Variants in ZBTB21 observed in about 807,000 individuals in gnomAD.
ZBTB21 encodes zinc finger and BTB domain containing 21.
ZBTB21 carries 10 observed loss-of-function variants against 39.8 expected under a neutral mutation model. That is an observed-to-expected ratio of 0.25 (90% CI 0.16 to 0.43). The LOEUF (loss-of-function observed/expected upper bound fraction) is 0.43, where lower values mean the gene tolerates loss of function less well. ZBTB21 is among the 20% of genes least tolerant of loss of function. The pLI is 1.00. For missense variants in ZBTB21, 1,221 were observed against 1,296.3 expected (o/e 0.94, Z 0.89); for synonymous variants, 551 against 498.8 (o/e 1.10, Z -1.40).
chr21:41,991,684 T>C lies in ZBTB21; in HGVS notation c.2412A>G (p.Ala804=), dbSNP rs1452180343. 1.9e-6 allele frequency: 3 copies of C among 1,613,890 alleles called. No homozygotes were observed. Among genetic ancestry groups the C allele is most frequent in the Non-Finnish European group, 2.5e-6 (3 of 1,180,016 alleles). The change falls in exon 3 of 3, where the codon GCA becomes GCG. Residue 804 remains alanine, a synonymous_variant. Coordinates refer to ENST00000310826, the MANE Select transcript of ZBTB21 (RefSeq NM_001098402.2). This position sits in a 1 kb window ranked among gnomAD's most constrained non-coding sequence, Gnocchi z 4.9. ...QVEVHNQNNM[A]PTENFSLPVL... ...CGGGCAAAGAAAAGTTTTCGGTGGG[T>C]GCCATGTTGTTCTGATTATGGACTT...
intron 1 of ZBTB21, among the ~76,000 whole-genome samples, chr21:42,003,635 C>T (rs898814718): frequency 6.6e-6 from 1 of 152,174 alleles, no homozygotes; most frequent in Non-Finnish European, 1.5e-5. Flanking sequence ...AAAGGAAAGG[C>T]TCATTAGAGC....
At position 41,991,140 on chromosome 21, in the gene ZBTB21, G is replaced by T; in HGVS notation, c.2956C>A (p.Pro986Thr). 2.5e-6 allele frequency: 4 copies of T among 1,614,174 alleles called. No individual in the cohort carries two copies. Among genetic ancestry groups the T allele is most frequent in the Non-Finnish European group, 2.5e-6 (3 of 1,180,012 alleles). ...PVPTNSPSPP[P>T]LPPPPPLPKI... ...GGCAGTGGTGGTGGCGGTGGCAGAGGTGGTGGAGAGGGAGAGTTTGTGGGA... is the reference window on the plus strand; with the variant it reads ...GGCAGTGGTGGTGGCGGTGGCAGAGTTGGTGGAGAGGGAGAGTTTGTGGGA... Residue 986 changes from proline to threonine, a missense_variant, in exon 3 of 3, where the codon CCT becomes ACT. Pro to Thr is a conservative substitution (Grantham distance 38). Coordinates refer to ENST00000310826, the MANE Select transcript of ZBTB21 (RefSeq NM_001098402.2). This position sits in a 1 kb window ranked among gnomAD's most constrained non-coding sequence, Gnocchi z 4.9.
rs759392152 is a variant in ZBTB21 at position 41,991,120 on chromosome 21, TGGTGGTGGCGGTGGCAGA to T, written c.2958_2975del (p.Pro989_Pro994del). 1 of 1,613,312 alleles carries T rather than the reference TGGTGGTGGCGGTGGCAGA, an allele frequency of 6.2e-7. No individual in the cohort carries two copies. The highest frequency in any genetic ancestry group is 1.1e-5 in the South Asian group (1 of 90,932). ...GCTCCAGAGGCTGGATCTTGGGCAG[TGGTGGTGGCGGTGGCAGA>T]GGTGGTGGAGAGGGAGAGTTTGTGG... On this transcript the variant is annotated inframe_deletion, in exon 3 of 3. Transcript: ENST00000310826. This position sits in a 1 kb window ranked among gnomAD's most constrained non-coding sequence, Gnocchi z 4.9.
chr21:41,991,916 C>A lies in ZBTB21; in HGVS notation c.2180G>T (p.Cys727Phe), dbSNP rs2065664796. Residue 727 changes from cysteine to phenylalanine, a missense_variant, in exon 3 of 3, where the codon TGT becomes TTT. Cys to Phe is a radical substitution (Grantham distance 205). Coordinates refer to ENST00000310826, the MANE Select transcript of ZBTB21 (RefSeq NM_001098402.2). This position sits in a 1 kb window ranked among gnomAD's most constrained non-coding sequence, Gnocchi z 4.9. ...TAGGAGAGAAGAGAGCTTAGCATTA[C>A]AGAGGCGGCACTGGTAAACCTCCTT... ...ENKEVYQCRL[C>F]NAKLSSLLEQ... The A allele has an allele frequency of 6.2e-7, 1 of 1,614,060 alleles. No individual in the cohort carries two copies. The highest frequency in any genetic ancestry group is 1.3e-5 in the African/African-American group (1 of 74,954).
rs768750113 is a variant in ZBTB21 at position 41,991,841 on chromosome 21, T to A, written c.2255A>T (p.Tyr752Phe). Reference sequence around the variant, plus strand: ...GGGCGAGAAAAACCTGAGGCTGCAGTAAGGGCAGACGGCCGCGTTCCGGCA... The same window carrying A: ...GGGCGAGAAAAACCTGAGGCTGCAGAAAGGGCAGACGGCCGCGTTCCGGCA... ...RLCRNAAVCPYCSLRFFSPEL... is the reference protein window; with the variant it reads ...RLCRNAAVCPFCSLRFFSPEL... Residue 752 changes from tyrosine (Y) to phenylalanine (F), a missense_variant, in exon 3 of 3, where the codon TAC becomes TTC. Physicochemically the swap from Tyr to Phe is conservative, Grantham distance 22. Transcript: ENST00000310826. This position sits in a 1 kb window ranked among gnomAD's most constrained non-coding sequence, Gnocchi z 4.9. The A allele has an allele frequency of 8.7e-6, 14 of 1,614,090 alleles. No homozygotes were observed. Among genetic ancestry groups the A allele is most frequent in the Non-Finnish European group, 1.2e-5 (14 of 1,180,044 alleles).
Position 41,988,372 on chromosome 21 carries a change from A to G in ZBTB21, c.*2523T>C, listed in dbSNP as rs889472275. ...ACAATCCTAAAATATATTTACATGAATATCTTCACTAGCTAATGAGTTGCA... is the reference window on the plus strand; with the variant it reads ...ACAATCCTAAAATATATTTACATGAGTATCTTCACTAGCTAATGAGTTGCA... On this transcript the variant is annotated 3_prime_UTR_variant, in exon 3 of 3. Transcript: ENST00000310826. The G allele has an allele frequency of 2.0e-5, 3 of 152,234 alleles. No homozygotes were observed. Among genetic ancestry groups the G allele is most frequent in the Non-Finnish European group, 2.9e-5 (2 of 68,018 alleles). 9.4% of individuals were successfully genotyped at this position (152,234 alleles called of 1,614,324 possible). A position where few individuals can be genotyped will look rare whatever the true frequency, so the allele number is the denominator to read the frequency against.
intron 1 of ZBTB21, chr21:42,007,919 T>A (rs1462140236): frequency 6.6e-6 from 1 of 152,164 alleles, no homozygotes; most frequent in Non-Finnish European, 1.5e-5. Context: ...GGACGATGAT[T>A]CCCAAATCTG....
rs371487676 is a variant in ZBTB21, at chr21:42,001,996, G to A, written c.-14+901C>T. Reference sequence around the variant, plus strand: ...CCACAGGTGGCTTTGCCTGGTGAAAGGTAAAGGTACACATAGGGGAGGAAA... The same window carrying A: ...CCACAGGTGGCTTTGCCTGGTGAAAAGTAAAGGTACACATAGGGGAGGAAA... On this transcript the variant is annotated intron_variant, in intron 2 of 2. Transcript: ENST00000310826. Among the ~76,000 whole-genome samples the A allele has an allele frequency of 1.1e-4, 17 of 152,306 alleles. No homozygotes were observed. In the South Asian group the frequency reaches 3.3e-3, roughly 30 times the overall value.
At chr21:41,994,483 C>T (rs554837049) in intron 2 of ZBTB21, among the ~76,000 whole-genome samples, 58 of 152,238 alleles carry the variant, frequency 3.8e-4, no homozygotes, top group African/African-American at 5.5e-4. Flanking sequence ...AAAACAAGTA[C>T]GAATTATCAA....
intron 2 of ZBTB21, among the ~76,000 whole-genome samples, chr21:42,001,060 G>C (rs561655024): frequency 6.6e-6 from 1 of 152,244 alleles, no homozygotes; most frequent in African/African-American, 2.4e-5. Context: ...ATCAACCATA[G>C]GAGGTAGGTA....
intron 1 of ZBTB21, among the ~76,000 whole-genome samples, chr21:42,008,342 C>CAAG (rs2065905997): frequency 1.8e-5 from 1 of 54,310 alleles, no homozygotes; most frequent in Non-Finnish European, 3.3e-5. Context: ...CCCGTCTCTA[C>CAAG]AAAAAAAAAA....
chr21:41,988,774 CTGAT>C lies in ZBTB21; in HGVS notation c.*2117_*2120del, dbSNP rs1420503240. 1 of 150,166 alleles carries C rather than the reference CTGAT, an allele frequency of 6.7e-6. No homozygotes were observed. The highest frequency in any genetic ancestry group is 1.9e-4 in the East Asian group (1 of 5,168). The allele number at this position is 150,166 out of a possible 1,614,324, so 9.3% of individuals were successfully genotyped here. A position where few individuals can be genotyped will look rare whatever the true frequency, so the allele number is the denominator to read the frequency against. ...AGATCAAAAATATTTTTTTTTTTTACTGATTAACAATATTATTTTTAAAAAATCT... is the reference window on the plus strand; with the variant it reads ...AGATCAAAAATATTTTTTTTTTTTACTAACAATATTATTTTTAAAAAATCT... On this transcript the variant is annotated 3_prime_UTR_variant, in exon 3 of 3. Transcript: ENST00000310826.
intron 2 of ZBTB21, among the ~76,000 whole-genome samples, chr21:41,994,734 A>G (rs1046427499): frequency 6.6e-6 from 1 of 152,144 alleles, no homozygotes; most frequent in Non-Finnish European, 1.5e-5. Context: ...AGCTGGGACC[A>G]CAAGCACATG....
In ZBTB21 at chr21:41,993,003, A is replaced by G; in HGVS notation, c.1093T>C (p.Ser365Pro). Residue 365 changes from serine to proline, a missense_variant, in exon 3 of 3, where the codon TCA (serine) becomes CCA (proline). Ser to Pro is a moderately conservative substitution (Grantham distance 74). Coordinates refer to ENST00000310826, the MANE Select transcript of ZBTB21 (RefSeq NM_001098402.2). The part of the protein sequence containing the change: ...PSIDLKSSQG[S>P]SSVSSDAPGN... ...GGTGCATCACTGGACACCGAAGATG[A>G]TCCCTGGGAAGATTTCAAATCTATG... The G allele has an allele frequency of 6.2e-7, 1 of 1,614,180 alleles. No homozygotes were observed. Among genetic ancestry groups the G allele is most frequent in the Non-Finnish European group, 8.5e-7 (1 of 1,180,022 alleles).
intron 1 of ZBTB21, among the ~76,000 whole-genome samples, chr21:42,007,493 A>C (rs550487164): frequency 6.6e-6 from 1 of 152,034 alleles, no homozygotes; most frequent in Admixed American, 6.5e-5. Context: ...CTGCCACCCA[A>C]AATCTCTCTC....
intron 1 of ZBTB21, among the ~76,000 whole-genome samples, chr21:42,007,539 G>C (rs943558669): frequency 5.3e-5 from 8 of 152,132 alleles, no homozygotes; most frequent in African/African-American, 1.4e-4. Context: ...TCTTTCGAAA[G>C]ATCCAGTTGA....
intron 1 of ZBTB21, among the ~76,000 whole-genome samples, 182 bp downstream of exon 1, chr21:42,010,070 G>A (rs1268854222): frequency 6.6e-6 from 1 of 152,248 alleles, no homozygotes; most frequent in Non-Finnish European, 1.5e-5. Context: ...GACATGCTCG[G>A]TGAGCGCCCA....
At chr21:41,997,861 C>A (rs1382618491) in intron 2 of ZBTB21, among the ~76,000 whole-genome samples, 1 of 151,842 alleles carries the variant, frequency 6.6e-6, no homozygotes, top group Non-Finnish European at 1.5e-5. Context: ...GGTTGAGATG[C>A]CAGTTCCTTG....
In ZBTB21 at chr21:41,992,914, G is replaced by A; in HGVS notation, c.1182C>T (p.Ala394=). The change falls in exon 3 of 3, where the codon GCC becomes GCT. Residue 394 remains alanine, a synonymous_variant. Coordinates refer to ENST00000310826, the MANE Select transcript of ZBTB21 (RefSeq NM_001098402.2). The surrounding 1 kb of genome is among the most constrained non-coding windows in gnomAD (Gnocchi z 4.1). ...GTAGCACTTGAGGCCTGTCATCTAG[G>A]GCTGTTTTTTCACTACAATCTTTTA... ...SSLKDCSEKT[A]LDDRPQVLQP... 2 of 1,614,172 alleles carry A rather than the reference G, an allele frequency of 1.2e-6. No homozygotes were observed. Among genetic ancestry groups the A allele is most frequent in the Non-Finnish European group, 1.7e-6 (2 of 1,180,036 alleles).
Sources: gnomAD v4.1 joint callset for allele counts (sites outside exome capture counted in the v4.1 genomes callset) on GRCh38, gnomAD v4.1.1 for gene constraint, Gnocchi (gnomAD v3.1) non-coding constraint, MANE v1.5 for transcripts, NCBI Gene and HGNC (gene_info 2026-07-23, HGNC 2026-07-21) for gene names.